PLB1: variants seen among roughly 807,000 people sequenced by gnomAD.
PLB1 encodes the protein phospholipase B1, also known as phospholipase B1, membrane-associated.
In PLB1, 242 loss-of-function variants were observed where a neutral mutation model predicts 227.4. That is an observed-to-expected ratio of 1.06 (90% CI 0.96 to 1.18). The LOEUF (loss-of-function observed/expected upper bound fraction) is 1.18, where lower values mean the gene tolerates loss of function less well. PLB1 is among the 50% of genes most tolerant of loss of function. The pLI is 0.00. For missense variants in PLB1, 1,858 were observed against 1,816.3 expected, an observed-to-expected ratio of 1.02 and a Z score of -0.42; for synonymous variants, 757 against 682.2, an observed-to-expected ratio of 1.11 and a Z score of -1.71.
At chr2:28,616,632 A>G (rs1160719955) in intron 44 of PLB1, among the ~76,000 whole-genome samples, 1 of 152,234 alleles carries the variant, frequency 6.6e-6, no homozygotes, top group Admixed American at 6.5e-5. Flanking sequence ...TCTGAGATAT[A>G]TCTCATGTGC....
intron 17 of PLB1, among the ~76,000 whole-genome samples, chr2:28,558,059 G>A (rs547534230): frequency 2.6e-5 from 4 of 152,140 alleles, no homozygotes; most frequent in African/African-American, 4.8e-5. Flanking sequence ...ATCAGATGAC[G>A]TCAGGCACTT....
intron 39 of PLB1, 21 bp downstream of exon 39, chr2:28,602,942 C>T: frequency 6.2e-7 from 1 of 1,602,348 alleles, no homozygotes; most frequent in African/African-American, 1.3e-5. Context: ...CCTGGCTGTC[C>T]CCACACTGGA....
chr2:28,505,011 A>T (rs1442810587), intron 1 of PLB1, among the ~76,000 whole-genome samples: 2 of 152,210 alleles, frequency 1.3e-5, no homozygotes, highest in Admixed American at 6.5e-5. Context: ...TCTATTGGGC[A>T]CTGGGGATGT....
chr2:28,628,418 T>A (rs1688110250), intron 51 of PLB1, 145 bp from the exon 52 acceptor site: 1 of 669,922 alleles, frequency 1.5e-6, no homozygotes, highest in Non-Finnish European at 2.7e-6. Flanking sequence ...CAACAAGAAC[T>A]GGGCTTCTCA....
At position 28,620,302 on chromosome 2, in the gene PLB1, T is replaced by A. The variant is rs768305383; in HGVS notation, c.3353T>A (p.Leu1118Gln). Residue 1118 changes from leucine to glutamine, a missense_variant, in exon 47 of 58, where the codon CTA becomes CAA. Transcript: ENST00000327757. ...VGARPNNSSD[L>Q]PTSWRGLSWS... ...GCTCGACCAAACAACTCCAGTGACCTACCCACATCTTGGAGGGGACTCTCT... is the reference window on the plus strand; with the variant it reads ...GCTCGACCAAACAACTCCAGTGACCAACCCACATCTTGGAGGGGACTCTCT... The A allele has an allele frequency of 2.5e-6, 4 of 1,605,926 alleles. No homozygotes were observed. The highest frequency in any genetic ancestry group is 3.4e-6 in the Non-Finnish European group (4 of 1,175,856).
At chr2:28,549,968 A>G (rs1673958479) in intron 15 of PLB1, 42 bp from the exon 16 acceptor site, 1 of 1,530,436 alleles carries the variant, frequency 6.5e-7, no homozygotes, top group African/African-American at 1.4e-5. Flanking sequence ...AGGGATACAG[A>G]CTTCTAGGGT....
chr2:28,565,186 T>G lies in PLB1; in HGVS notation c.1207-94T>G, dbSNP rs1043585819. On this transcript the variant is annotated intron_variant, in intron 18 of 57. Transcript: ENST00000327757. ...ATCCCAGAGAGTGCCCAGGTGGTCC[T>G]GGCCAGCATAAGAACATAGACCTTT... is the stretch of plus-strand genomic sequence containing the variant. The G allele has an allele frequency of 3.6e-6, 4 of 1,106,286 alleles. No homozygotes were observed. In the African/African-American group the frequency reaches 6.2e-5, roughly 17 times the overall value. The allele number at this position is 1,106,286 out of a possible 1,614,324, so 68.5% of individuals were successfully genotyped here. A position where few individuals can be genotyped will look rare whatever the true frequency, so the allele number is the denominator to read the frequency against.
intron 40 of PLB1, 57 bp downstream of exon 40, chr2:28,604,104 C>T: frequency 6.7e-6 from 10 of 1,488,580 alleles, no homozygotes; most frequent in Non-Finnish European, 9.4e-6. Context: ...CTCTAACACA[C>T]AGCCCAGAGC....
At chr2:28,566,914 C>G in intron 20 of PLB1, 75 bp downstream of exon 20, 1 of 1,556,062 alleles carries the variant, frequency 6.4e-7, no homozygotes, top group Non-Finnish European at 8.8e-7. Flanking sequence ...CTGCAGGTGG[C>G]GCGGGCCTCG....
At chr2:28,636,653 G>A (rs151151665) in intron 56 of PLB1, among the ~76,000 whole-genome samples, 151 of 152,240 alleles carry the variant, frequency 9.9e-4, no homozygotes, top group Middle Eastern at 3.4e-3. Flanking sequence ...AGGTCTGACC[G>A]CATCTGTGGC....
chr2:28,501,524 C>T (rs1366834511), intron 1 of PLB1, among the ~76,000 whole-genome samples: 2 of 152,022 alleles, frequency 1.3e-5, no homozygotes, highest in African/African-American at 4.8e-5. Context: ...TTTACTAAGT[C>T]TTTTCAATAT....
chr2:28,525,428 C>A (rs1286296450), intron 5 of PLB1, 121 bp downstream of exon 5: 2 of 1,101,704 alleles, frequency 1.8e-6, no homozygotes, highest in Non-Finnish European at 2.6e-6. Flanking sequence ...CTCAAGGCTA[C>A]CCTCTGAGAA....
intron 21 of PLB1, among the ~76,000 whole-genome samples, chr2:28,576,570 A>C (rs1008028570): frequency 6.6e-6 from 1 of 152,202 alleles, no homozygotes; most frequent in African/African-American, 2.4e-5. Flanking sequence ...TCTCTACTAA[A>C]AATACAACAA....
intron 6 of PLB1, 65 bp from the exon 7 acceptor site, chr2:28,529,252 G>A: frequency 9.0e-7 from 1 of 1,108,902 alleles, no homozygotes. Context: ...GCAGTAGGTA[G>A]GTCAGTCTTT....
intron 9 of PLB1, among the ~76,000 whole-genome samples, chr2:28,532,418 T>C (rs1671144108): frequency 6.6e-6 from 1 of 152,188 alleles, no homozygotes; most frequent in Admixed American, 6.5e-5. Context: ...AGGCGTTCTG[T>C]GGGTTTTATT....
rs1466619285 is a variant in PLB1, at chr2:28,589,747, G to T, written c.1993G>T (p.Ala665Ser). The part of the protein sequence containing the change: ...HFSSKSHSRA[A>S]SALWNNMLEP... ...CAGCAGCAAGTCTCACTCCCGAGCA[G>T]CCAGTGCTCTCTGGAACAATATGGT... The change falls in exon 28 of 58, where the codon GCC (alanine) becomes TCC (serine). Residue 665 changes from alanine (A) to serine (S), a missense_variant. By Grantham distance (99) the Ala-to-Ser change is moderately conservative (BLOSUM62 1). Coordinates refer to ENST00000327757, the MANE Select transcript of PLB1 (RefSeq NM_153021.5). 8.7e-6 allele frequency: 14 copies of T among 1,613,770 alleles called. No homozygotes were observed. Among genetic ancestry groups the T allele is most frequent in the Non-Finnish European group, 1.1e-5 (13 of 1,179,978 alleles).
chr2:28,638,008 T>C (rs992795827), intron 56 of PLB1, among the ~76,000 whole-genome samples: 4 of 152,138 alleles, frequency 2.6e-5, no homozygotes, highest in African/African-American at 7.2e-5. Context: ...TTCAGGTCTC[T>C]GTGAATTTAA....
chr2:28,639,126 G>A (rs184305539), intron 56 of PLB1, among the ~76,000 whole-genome samples: 98 of 152,002 alleles, frequency 6.4e-4, no homozygotes, highest in African/African-American at 2.2e-3. Context: ...AGAATAGGTA[G>A]GTAGAAAAGA....
In PLB1 at chr2:28,543,277, A is replaced by G; in HGVS notation, c.936+9A>G. 2 of 1,610,914 alleles carry G rather than the reference A, an allele frequency of 1.2e-6. No homozygotes were observed. Among genetic ancestry groups the G allele is most frequent in the Non-Finnish European group, 8.5e-7 (1 of 1,178,786 alleles). On this transcript the variant is annotated intron_variant, in intron 14 of 57. Coordinates refer to ENST00000327757, the MANE Select transcript of PLB1 (RefSeq NM_153021.5). The stretch of plus-strand genomic sequence containing the variant: ...ATCTCTGGAATAGGATGGTGAGTAG[A>G]TGGGGCCTGGGGTGGGGCCCACAGA...
Sources: allele counts gnomAD v4.1 joint callset (sites outside exome capture counted in the v4.1 genomes callset), GRCh38; gene constraint gnomAD v4.1.1; transcripts MANE v1.5; gene names NCBI Gene and HGNC (gene_info 2026-07-23, HGNC 2026-07-21).